ZNF90: variants seen among roughly 807,000 people sequenced by gnomAD.
ZNF90 encodes the protein zinc finger protein 90, also known as zinc finger protein HTF9.
In ZNF90, 11 loss-of-function variants were observed where a neutral mutation model predicts 12.0. The observed-to-expected ratio is 0.92, with a 90% CI of 0.58 to 1.52. ZNF90 has a LOEUF of 1.52. Ranked by LOEUF, ZNF90 falls within the 40% of genes most tolerant of loss-of-function variation. The pLI, the probability that ZNF90 is intolerant of heterozygous loss-of-function variation, is 0.00. For synonymous variants in ZNF90, 232 were observed against 240.1 expected, an observed-to-expected ratio of 0.97 and a Z score of 0.31; for missense variants, 765 against 711.5, an observed-to-expected ratio of 1.08 and a Z score of -0.86.
intron 1 of ZNF90, chr19:20,079,941 T>C: frequency 1.3e-4 from 48 of 375,224 alleles, no homozygotes; most frequent in Middle Eastern, 9.0e-4. Context: ...TTTCCTCTTT[T>C]TTTTTTTTTT....
At chr19:20,104,458 A>C (rs1555704195) in intron 2 of ZNF90, 93 bp downstream of exon 2, 3 of 1,406,318 alleles carry the variant, frequency 2.1e-6, no homozygotes, top group Non-Finnish European at 2.8e-6. Flanking sequence ...TATTGTTTGC[A>C]TAAGAGAGTT....
At chr19:20,101,150 G>T (rs1364181571) in intron 1 of ZNF90, among the ~76,000 whole-genome samples, 2 of 152,190 alleles carry the variant, frequency 1.3e-5, no homozygotes, top group Non-Finnish European at 2.9e-5. Flanking sequence ...ATCCAGCAGG[G>T]TGTCCGCTGT....
intron 1 of ZNF90, chr19:20,080,350 T>C (rs1391205850): frequency 6.3e-6 from 3 of 472,554 alleles, no homozygotes; most frequent in African/African-American, 2.0e-5. Context: ...ACAGGAGAAA[T>C]TCCCCCGTCC....
At position 20,118,711 on chromosome 19, in the gene ZNF90, A is replaced by G; in HGVS notation, c.1157A>G (p.Lys386Arg). The G allele has an allele frequency of 6.4e-7, 1 of 1,562,620 alleles. No individual in the cohort carries two copies. Among genetic ancestry groups the G allele is most frequent in the Non-Finnish European group, 8.7e-7 (1 of 1,155,072 alleles). Reference sequence around the variant, plus strand: ...TTTATTTCATCCTCACTCCTTTATAAACATAAGATAAGTCATAGTGAAAAG... The same window carrying G: ...TTTATTTCATCCTCACTCCTTTATAGACATAAGATAAGTCATAGTGAAAAG... ...KAFISSSLLY[K>R]HKISHSEKKP... Residue 386 changes from lysine (K) to arginine (R), a missense_variant, in exon 4 of 4, where the codon AAA (lysine) becomes AGA (arginine). Lys to Arg is a conservative substitution (Grantham distance 26). Coordinates refer to ENST00000418063, the MANE Select transcript of ZNF90 (RefSeq NM_007138.2).
At chr19:20,115,564 C>T (rs185428782) in intron 3 of ZNF90, among the ~76,000 whole-genome samples, 121 of 151,092 alleles carry the variant, frequency 8.0e-4, no homozygotes, top group African/African-American at 2.8e-3. Flanking sequence ...AAAAAAATAA[C>T]TTAAGTTATA....
chr19:20,116,107 A>C (rs2089135043), intron 3 of ZNF90, among the ~76,000 whole-genome samples: 1 of 152,160 alleles, frequency 6.6e-6, no homozygotes, highest in Non-Finnish European at 1.5e-5. Flanking sequence ...TCCTGACCTC[A>C]AATGATTCAC....
intron 3 of ZNF90, chr19:20,107,161 C>T (rs1396862077): frequency 5.3e-6 from 2 of 377,284 alleles, no homozygotes; most frequent in South Asian, 3.9e-5. Context: ...AGTCATTGAA[C>T]CGCTTCAGGG....
intron 3 of ZNF90, among the ~76,000 whole-genome samples, chr19:20,114,320 T>G (rs1322595563): frequency 1.3e-5 from 2 of 152,186 alleles, no homozygotes; most frequent in East Asian, 3.8e-4. Flanking sequence ...TCATATTAAT[T>G]ATATTGACAT....
chr19:20,114,982 C>CA (rs1555705510), intron 3 of ZNF90, among the ~76,000 whole-genome samples: 1 of 152,138 alleles, frequency 6.6e-6, no homozygotes, highest in African/African-American at 2.4e-5. Context: ...CACAAATACA[C>CA]ACATGGATAA....
chr19:20,110,393 T>C lies in ZNF90; in HGVS notation c.226+5077T>C, dbSNP rs113013716. On this transcript the variant is annotated intron_variant, in intron 3 of 3. Coordinates refer to ENST00000418063, the MANE Select transcript of ZNF90 (RefSeq NM_007138.2). ...TCCTGGGTTCAAGCAATTCTCCTGC[T>C]TCAGCCTCCCTAGTAACTGGGATTA... Among the ~76,000 whole-genome samples the C allele has an allele frequency of 7.2e-4, 110 of 152,084 alleles. 1 individual carries two copies. In the South Asian group the frequency reaches 7.5e-3, roughly 10 times the overall value.
At chr19:20,103,261 A>C (rs1315747945) in intron 1 of ZNF90, among the ~76,000 whole-genome samples, 1 of 152,186 alleles carries the variant, frequency 6.6e-6, no homozygotes, top group African/African-American at 2.4e-5. Flanking sequence ...GTGAAGGTTT[A>C]GCATTTATAA....
At chr19:20,083,187 C>G (rs1157069344) in intron 1 of ZNF90, among the ~76,000 whole-genome samples, 1 of 152,124 alleles carries the variant, frequency 6.6e-6, no homozygotes, top group African/African-American at 2.4e-5. Flanking sequence ...GAGCTCTTGT[C>G]CCCTGGGCCC....
chr19:20,116,148 C>A (rs1252713195), intron 3 of ZNF90, among the ~76,000 whole-genome samples: 1 of 152,114 alleles, frequency 6.6e-6, no homozygotes, highest in Non-Finnish European at 1.5e-5. Context: ...GCTGGTATTA[C>A]AGGCGTGAAC....
At chr19:20,109,929 A>C (rs548383656) in intron 3 of ZNF90, among the ~76,000 whole-genome samples, 1 of 152,286 alleles carries the variant, frequency 6.6e-6, no homozygotes, top group South Asian at 2.1e-4. Flanking sequence ...CTTAGTACCC[A>C]TTAAGAAACA....
At chr19:20,098,507 C>A (rs1445715379) in intron 1 of ZNF90, among the ~76,000 whole-genome samples, 3 of 152,184 alleles carry the variant, frequency 2.0e-5, no homozygotes, top group African/African-American at 7.2e-5. Context: ...GAGCCATGAC[C>A]ACAACTATAT....
At chr19:20,100,444 G>C (rs912799566) in intron 1 of ZNF90, among the ~76,000 whole-genome samples, 1 of 152,182 alleles carries the variant, frequency 6.6e-6, no homozygotes, top group Non-Finnish European at 1.5e-5. Context: ...GTCTCTTCCA[G>C]AAGCAAAGCT....
At chr19:20,090,415 C>T (rs573337129) in intron 1 of ZNF90, among the ~76,000 whole-genome samples, 10 of 152,122 alleles carry the variant, frequency 6.6e-5, no homozygotes, top group African/African-American at 2.2e-4. Flanking sequence ...GGGGAGAGTA[C>T]TTGTGACTTC....
At chr19:20,086,921 G>A (rs1214485155) in intron 1 of ZNF90, 1 of 152,146 alleles carries the variant, frequency 6.6e-6, no homozygotes, top group Admixed American at 6.5e-5. Flanking sequence ...AGGTGATGTG[G>A]CCACCCAAAA....
At chr19:20,078,252 TCTC>T (rs908494940) in intron 1 of ZNF90, 117 bp downstream of exon 1, 21 of 1,373,934 alleles carry the variant, frequency 1.5e-5, no homozygotes, top group East Asian at 1.4e-4. Flanking sequence ...GCGACCGACT[TCTC>T]CTTGCCCAGT....
Sources: gnomAD v4.1 joint callset for allele counts (sites outside exome capture counted in the v4.1 genomes callset) on GRCh38, gnomAD v4.1.1 for gene constraint, MANE v1.5 for transcripts, NCBI Gene and HGNC (gene_info 2026-07-23, HGNC 2026-07-21) for gene names.